Variants in ABLIM1 observed in about 807,000 individuals in gnomAD.
ABLIM1 encodes actin binding LIM protein 1, also known as actin-binding LIM protein 1.
In ABLIM1, 40 loss-of-function variants were observed where a neutral mutation model predicts 107.0. The observed-to-expected ratio is 0.37, with a 90% confidence interval of 0.29 to 0.49. ABLIM1 has a LOEUF of 0.49. Ranked by LOEUF, ABLIM1 falls within the 20% of genes least tolerant of loss-of-function variation. The pLI is 0.97. For synonymous variants in ABLIM1, 357 were observed against 357.3 expected (o/e 1.00, Z 0.01); for missense variants, 857 against 1,008.5 (o/e 0.85, Z 2.04).
chr10:114,773,482 G>T, the ABLIM1 span, among the ~76,000 whole-genome samples: 1 of 152,222 alleles, frequency 6.6e-6, no homozygotes, highest in African/African-American at 2.4e-5. Flanking sequence ...AGCACTTTGG[G>T]AGGCCAAGGT....
At chr10:114,674,871 A>G (rs567686535) in intron 1 of ABLIM1, among the ~76,000 whole-genome samples, 1 of 152,288 alleles carries the variant, frequency 6.6e-6, no homozygotes, top group East Asian at 1.9e-4. Context: ...GAAAATCTTT[A>G]AAGATGAAAG....
intron 1 of ABLIM1, among the ~76,000 whole-genome samples, chr10:114,637,324 A>T (rs146037065): frequency 1.9e-3 from 288 of 152,294 alleles, no homozygotes; most frequent in African/African-American, 6.7e-3. Context: ...CCAAAATAAC[A>T]ATCAGCTGGA....
intron 1 of ABLIM1, among the ~76,000 whole-genome samples, chr10:114,618,932 C>T (rs1481010690): frequency 6.6e-6 from 1 of 152,098 alleles, no homozygotes; most frequent in Non-Finnish European, 1.5e-5. Context: ...ATCATATCAA[C>T]TCTCTCCAAT....
intron 2 of ABLIM1, among the ~76,000 whole-genome samples, chr10:114,580,171 C>T (rs1278229790): frequency 6.8e-6 from 1 of 148,148 alleles, no homozygotes; most frequent in Non-Finnish European, 1.5e-5. Flanking sequence ...GCCTTTATAA[C>T]CCACTCCTTT....
rs975209966 is a variant in ABLIM1, at chr10:114,434,343, C to A, written c.*1917G>T. ...CACACACACACACGAGAGTAGTCCT[C>A]ATTCAGTGCATAGCAATGGAAGGCT... On this transcript the variant is annotated 3_prime_UTR_variant, in exon 23 of 23. Transcript: ENST00000533213. 2.0e-5 allele frequency: 3 copies of A among 149,444 alleles called. No homozygotes were observed. Among genetic ancestry groups the A allele is most frequent in the Non-Finnish European group, 4.4e-5 (3 of 68,192 alleles). 9.3% of individuals were successfully genotyped at this position (149,444 alleles called of 1,614,324 possible). A position where few individuals can be genotyped will look rare whatever the true frequency, so the allele number is the denominator to read the frequency against.
In ABLIM1 at chr10:114,658,197, G is replaced by A. The variant is rs764365649; in HGVS notation, c.4C>T (p.Pro2Ser). ...AGACACTTTAGACCAAGGAAGGCAG[G>A]CATCTTGGCATGGATTTCCAAGCAA... M[P>S]AFLGLKCLGK... is the part of the protein sequence containing the mutation. The change falls in exon 1 of 23, where the codon CCT becomes TCT. Residue 2 changes from proline (P) to serine (S), a missense_variant. Coordinates refer to ENST00000533213, the MANE Select transcript of ABLIM1 (RefSeq NM_002313.7). 6.2e-7 allele frequency: 1 copy of A among 1,600,536 alleles called. No homozygotes were observed. The highest frequency in any genetic ancestry group is 8.5e-7 in the Non-Finnish European group (1 of 1,169,708).
intron 12 of ABLIM1, among the ~76,000 whole-genome samples, chr10:114,465,025 C>G (rs2064850994): frequency 6.6e-6 from 1 of 152,158 alleles, no homozygotes; most frequent in Non-Finnish European, 1.5e-5. Flanking sequence ...TGAAGGTCCA[C>G]TAAAATCTGC....
intron 1 of ABLIM1, among the ~76,000 whole-genome samples, chr10:114,749,132 G>A (rs1471684840): frequency 2.6e-5 from 4 of 152,052 alleles, no homozygotes. Flanking sequence ...AATGATTTAT[G>A]GTCAGACACC....
Position 114,527,860 on chromosome 10 carries a change from C to T in ABLIM1, c.894+17145G>A, listed in dbSNP as rs191936720. ...TTAAAGTTTTTTTTTTTTTTTGAGACGGAGTCTCGCTCTGTTGCCCACGCT... is the reference window on the plus strand; with the variant it reads ...TTAAAGTTTTTTTTTTTTTTTGAGATGGAGTCTCGCTCTGTTGCCCACGCT... On this transcript the variant is annotated intron_variant, in intron 6 of 22. Coordinates refer to ENST00000533213, the MANE Select transcript of ABLIM1 (RefSeq NM_002313.7). Among the ~76,000 whole-genome samples the T allele has an allele frequency of 6.1e-3, 809 of 132,100 alleles. 5 individuals are homozygous for T. Among genetic ancestry groups the T allele is most frequent in the Non-Finnish European group, 8.3e-3 (531 of 63,770 alleles). The allele number at this position is 132,100 out of a possible 152,430, so 86.7% of individuals were successfully genotyped here.
At chr10:114,483,936 C>T (rs1194993641) in intron 8 of ABLIM1, among the ~76,000 whole-genome samples, 1 of 152,178 alleles carries the variant, frequency 6.6e-6, no homozygotes, top group Non-Finnish European at 1.5e-5. Flanking sequence ...GTGCATGCAG[C>T]ATAATCTCCA....
chr10:114,571,074 T>A (rs952911244), intron 4 of ABLIM1, among the ~76,000 whole-genome samples: 7 of 152,226 alleles, frequency 4.6e-5, no homozygotes, highest in African/African-American at 1.7e-4. Context: ...TAAGTTGGTA[T>A]CTTATGGTTG....
chr10:114,724,863 T>G (rs2081925290), intron 1 of ABLIM1, among the ~76,000 whole-genome samples: 1 of 152,334 alleles, frequency 6.6e-6, no homozygotes, highest in South Asian at 2.1e-4. Context: ...AGGGTGCTCC[T>G]TGACCACACC....
intron 1 of ABLIM1, among the ~76,000 whole-genome samples, chr10:114,753,571 T>C (rs80231783): frequency 0.032 from 4,918 of 152,240 alleles, 99 homozygotes; most frequent in Middle Eastern, 0.048. Context: ...TCTCAACATA[T>C]ATGTGAAAAG....
chr10:114,637,035 TAAAAAAAA>T (rs3061732), intron 1 of ABLIM1, among the ~76,000 whole-genome samples: 1 of 104,032 alleles, frequency 9.6e-6, no homozygotes, highest in Admixed American at 1.2e-4. Context: ...GCTGTCTCTT[TAAAAAAAA>T]AAAAAAAAAA....
At chr10:114,578,785 C>CTT (rs35420465) in intron 2 of ABLIM1, among the ~76,000 whole-genome samples, 5,962 of 111,672 alleles carry the variant, frequency 0.053, 364 homozygotes, top group African/African-American at 0.094. Context: ...TCTTTCTTTT[C>CTT]TTTTTTTTTT....
At chr10:114,703,809 G>A (rs758461030) in intron 1 of ABLIM1, among the ~76,000 whole-genome samples, 1 of 152,166 alleles carries the variant, frequency 6.6e-6, no homozygotes, top group Non-Finnish European at 1.5e-5. Context: ...CAGAAGGGTC[G>A]CAGATAGAGG....
At chr10:114,616,383 C>G (rs2077133056) in intron 1 of ABLIM1, among the ~76,000 whole-genome samples, 1 of 152,166 alleles carries the variant, frequency 6.6e-6, no homozygotes, top group African/African-American at 2.4e-5. Flanking sequence ...CCATCATGTT[C>G]CCGCATCAAA....
chr10:114,443,758 T>G (rs1198092449), intron 17 of ABLIM1, among the ~76,000 whole-genome samples: 2 of 150,570 alleles, frequency 1.3e-5, no homozygotes. Flanking sequence ...TGGAGATGAG[T>G]GTTCTAGAAG....
intron 6 of ABLIM1, among the ~76,000 whole-genome samples, chr10:114,492,082 C>T (rs560807008): frequency 1.8e-4 from 27 of 151,964 alleles, no homozygotes; most frequent in African/African-American, 6.0e-4. Flanking sequence ...GCCAGCTACT[C>T]GTGGCTGCCT....
Sources: allele counts gnomAD v4.1 joint callset (sites outside exome capture counted in the v4.1 genomes callset), GRCh38; gene constraint gnomAD v4.1.1; transcripts MANE v1.5; gene names NCBI Gene and HGNC (gene_info 2026-07-23, HGNC 2026-07-21).